PTPRS: variants seen among roughly 807,000 people sequenced by gnomAD.
PTPRS encodes the protein protein tyrosine phosphatase receptor type S.
PTPRS carries 63 observed loss-of-function variants against 215.3 expected under a neutral mutation model. The ratio of observed to expected loss-of-function variants is 0.29; its 90% confidence interval spans 0.24 to 0.36. PTPRS has a LOEUF of 0.36. Ranked by LOEUF, PTPRS falls within the 10% of genes least tolerant of loss-of-function variation. The pLI is 1.00. For synonymous variants in PTPRS, 1,404 were observed against 1,191.4 expected (o/e 1.18, Z -3.68); for missense variants, 2,258 against 2,825.8 (o/e 0.80, Z 4.56).
chr19:5,290,359 T>A (rs1236277081), intron 1 of PTPRS, among the ~76,000 whole-genome samples: 1 of 152,168 alleles, frequency 6.6e-6, no homozygotes, highest in East Asian at 1.9e-4. Context: ...CACTGCGAGA[T>A]CTCTGGACAA....
chr19:5,333,689 C>T (rs763979099), intron 1 of PTPRS, among the ~76,000 whole-genome samples: 1 of 152,004 alleles, frequency 6.6e-6, no homozygotes, highest in Non-Finnish European at 1.5e-5. Context: ...TCATCTGTCT[C>T]CACTTATGAT....
intron 1 of PTPRS, among the ~76,000 whole-genome samples, chr19:5,303,082 A>G (rs1004255950): frequency 5.9e-5 from 9 of 151,994 alleles, no homozygotes; most frequent in Non-Finnish European, 1.3e-4. Flanking sequence ...AAACAAAAAC[A>G]AAAACAAAAA....
chr19:5,266,614 C>T (rs747215926), intron 4 of PTPRS, among the ~76,000 whole-genome samples: 7 of 152,052 alleles, frequency 4.6e-5, no homozygotes, highest in South Asian at 4.1e-4. Context: ...ATCCACCTGC[C>T]GTGGCCTCCC....
At position 5,327,249 on chromosome 19, in the gene PTPRS, T is replaced by C. The variant is rs552316000; in HGVS notation, c.-95+13415A>G. ...GCCCCCAAGCCCCATATGCAGGTCC[T>C]GCGACCTTGCTTCCAGAGGGCACTG... On this transcript the variant is annotated intron_variant, in intron 1 of 37. Coordinates refer to ENST00000262963, the MANE Select transcript of PTPRS (RefSeq NM_002850.4). 3.9e-5 allele frequency among the ~76,000 whole-genome samples: 6 copies of C among 152,336 alleles called. No individual in the cohort carries two copies. In the South Asian group the frequency reaches 1.0e-3, roughly 26 times the overall value.
intron 1 of PTPRS, among the ~76,000 whole-genome samples, chr19:5,311,412 G>A (rs1242690025): frequency 2.0e-5 from 3 of 152,138 alleles, no homozygotes; most frequent in African/African-American, 4.8e-5. Flanking sequence ...GAGGATCAGG[G>A]CCTGGTATAT....
chr19:5,222,707 T>G lies in PTPRS; in HGVS notation c.3085A>C (p.Thr1029Pro). ...CGCCTACCTTGGTCCCGCAGGAACG[T>G]CCGGTAGCGGACGGGGGGGCTGAAG... The part of the protein sequence containing the change: ...GPFSPPVRYR[T>P]FLRDQVSPKN... The change falls in exon 18 of 38, where the codon ACG becomes CCG. Residue 1029 changes from threonine (T) to proline (P), a missense_variant. Transcript: ENST00000262963. 6.3e-7 allele frequency: 1 copy of G among 1,591,918 alleles called. No homozygotes were observed. The highest frequency in any genetic ancestry group is 8.5e-7 in the Non-Finnish European group (1 of 1,175,378).
At chr19:5,306,949 C>T (rs962170430) in intron 1 of PTPRS, among the ~76,000 whole-genome samples, 7 of 152,198 alleles carry the variant, frequency 4.6e-5, no homozygotes, top group African/African-American at 7.2e-5. Context: ...GGAGAAAGTA[C>T]TCACGGCAAA....
intron 1 of PTPRS, among the ~76,000 whole-genome samples, chr19:5,324,957 C>G (rs2147241659): frequency 6.6e-6 from 1 of 152,362 alleles, no homozygotes; most frequent in South Asian, 2.1e-4. Flanking sequence ...GGTTCATGTT[C>G]TGCCACCGTT....
At chr19:5,332,814 C>T (rs1024206417) in intron 1 of PTPRS, among the ~76,000 whole-genome samples, 3 of 152,234 alleles carry the variant, frequency 2.0e-5, no homozygotes, top group Non-Finnish European at 2.9e-5. Context: ...TGTTGGCAGC[C>T]CAGCTCTGGG....
At chr19:5,246,533 C>T (rs1047247138) in intron 9 of PTPRS, among the ~76,000 whole-genome samples, 3 of 152,206 alleles carry the variant, frequency 2.0e-5, no homozygotes, top group African/African-American at 4.8e-5. Flanking sequence ...GGGGCATCCC[C>T]TTCGGGGAGC....
At position 5,219,357 on chromosome 19, in the gene PTPRS, G is replaced by A. The variant is rs368797063; in HGVS notation, c.3876C>T (p.Ala1292=). The change falls in exon 23 of 38, where the codon GCC becomes GCT. Residue 1292 remains alanine (A), a synonymous_variant. Coordinates refer to ENST00000262963, the MANE Select transcript of PTPRS (RefSeq NM_002850.4). ...TGACAATGCAGATTATGAAGACCAC[G>A]GCCAGCACAGGCCCGATCACCCAGA... ...GLIWVIGPVL[A]VVFIICIVIA... The A allele has an allele frequency of 1.8e-5, 29 of 1,613,838 alleles. No individual in the cohort carries two copies. Among genetic ancestry groups the A allele is most frequent in the Middle Eastern group, 1.6e-4 (1 of 6,080 alleles).
At chr19:5,283,815 G>A (rs998873277) in intron 2 of PTPRS, among the ~76,000 whole-genome samples, 5 of 152,164 alleles carry the variant, frequency 3.3e-5, no homozygotes, top group Non-Finnish European at 7.3e-5. Flanking sequence ...GCTCACTCTT[G>A]TAATCCCAGC....
intron 2 of PTPRS, among the ~76,000 whole-genome samples, chr19:5,280,463 A>C (rs1183822919): frequency 6.6e-6 from 1 of 152,188 alleles, no homozygotes; most frequent in African/African-American, 2.4e-5. Context: ...TCATGCCTGT[A>C]ATCCCAGCAC....
intron 1 of PTPRS, among the ~76,000 whole-genome samples, chr19:5,298,120 C>A (rs1388099205): frequency 1.3e-5 from 2 of 152,148 alleles, no homozygotes; most frequent in African/African-American, 4.8e-5. Flanking sequence ...TCTATGCATA[C>A]GAATGGGTGC....
intron 1 of PTPRS, among the ~76,000 whole-genome samples, chr19:5,290,039 G>A (rs2048680335): frequency 6.6e-6 from 1 of 152,250 alleles, no homozygotes; most frequent in African/African-American, 2.4e-5. Flanking sequence ...TGACACGGCT[G>A]TTAGGAAAAG....
At chr19:5,337,864 G>A (rs1343291797) in intron 1 of PTPRS, among the ~76,000 whole-genome samples, 1 of 152,102 alleles carries the variant, frequency 6.6e-6, no homozygotes, top group African/African-American at 2.4e-5. Flanking sequence ...GGGAGGCAGG[G>A]AAAAAAGGCG....
intron 25 of PTPRS, among the ~76,000 whole-genome samples, chr19:5,217,097 G>T (rs1180456420): frequency 6.6e-6 from 1 of 152,376 alleles, no homozygotes; most frequent in South Asian, 2.1e-4. Context: ...GGCATTCTGA[G>T]GAAGGAGGAT....
chr19:5,291,702 T>C (rs1334529572), intron 1 of PTPRS, among the ~76,000 whole-genome samples: 1 of 151,856 alleles, frequency 6.6e-6, no homozygotes, highest in Non-Finnish European at 1.5e-5. Context: ...AGCTGGCCCA[T>C]GGTCAGTTCA....
Position 5,219,471 on chromosome 19 carries a change from C to A in PTPRS, c.3766-4G>T. 6.4e-7 allele frequency: 1 copy of A among 1,567,362 alleles called. No homozygotes were observed. Among genetic ancestry groups the A allele is most frequent in the South Asian group, 1.2e-5 (1 of 83,588 alleles). ...AGAAGGGACTGGCTGCAAAGGTCTG[C>A]AGGGAAAGGAGGGGGGTCTCCATCA... On this transcript the variant is annotated splice_polypyrimidine_tract_variant and splice_region_variant and intron_variant, in intron 22 of 37. Transcript: ENST00000262963.
Sources: gnomAD v4.1 joint callset for allele counts (sites outside exome capture counted in the v4.1 genomes callset) on GRCh38, gnomAD v4.1.1 for gene constraint, MANE v1.5 for transcripts, NCBI Gene and HGNC (gene_info 2026-07-23, HGNC 2026-07-21) for gene names.